FCHSD2: variants seen among roughly 807,000 people sequenced by gnomAD.
The protein encoded by FCHSD2 is FCH and double SH3 domains 2, also known as F-BAR and double SH3 domains protein 2.
FCHSD2 carries 38 observed loss-of-function variants against 108.1 expected under a neutral mutation model. That is an observed-to-expected ratio of 0.35 (90% CI 0.27 to 0.46). FCHSD2 has a LOEUF of 0.46. FCHSD2 is among the 20% of genes least tolerant of loss of function. The probability of loss-of-function intolerance (pLI) is 1.00; values close to 1 mark genes in which losing one functional copy is unlikely to be tolerated. For synonymous variants in FCHSD2, 279 were observed against 314.7 expected (o/e 0.89, Z 1.20); for missense variants, 751 against 897.8 (o/e 0.84, Z 2.09).
At chr11:72,994,332 C>T (rs759518533) in intron 5 of FCHSD2, among the ~76,000 whole-genome samples, 2 of 151,740 alleles carry the variant, frequency 1.3e-5, no homozygotes, top group African/African-American at 2.4e-5. Flanking sequence ...TGCTATGTTT[C>T]GTACTTTACA....
chr11:72,959,630 T>A (rs1360499852), intron 8 of FCHSD2, among the ~76,000 whole-genome samples: 2 of 152,038 alleles, frequency 1.3e-5, no homozygotes, highest in African/African-American at 4.8e-5. Context: ...AAATAAAAAG[T>A]CTCCACACAA....
chr11:72,968,005 G>T (rs1288567941), intron 8 of FCHSD2, among the ~76,000 whole-genome samples: 1 of 151,436 alleles, frequency 6.6e-6, no homozygotes, highest in Non-Finnish European at 1.5e-5. Flanking sequence ...GCAGGAGAAC[G>T]GCGTGAACCT....
At chr11:72,984,244 G>A (rs748572936) in intron 7 of FCHSD2, 28 bp from the exon 8 acceptor site, 1 of 1,611,260 alleles carries the variant, frequency 6.2e-7, no homozygotes, top group Non-Finnish European at 8.5e-7. Flanking sequence ...AAAATAATCA[G>A]TGCAAACTGA....
chr11:73,140,069 G>A lies in FCHSD2; in HGVS notation c.81C>T (p.Ala27=). The change falls in exon 2 of 20, where the codon GCC becomes GCT. Residue 27 remains alanine, a synonymous_variant. Coordinates refer to ENST00000409418, the MANE Select transcript of FCHSD2 (RefSeq NM_014824.3). ...GCAAATCACATTCTGCTTGATGTTT[G>A]GCTTGAAGTTTTGTCATCTGCTCAA... ...IQVEQMTKLQ[A]KHQAECDLLE... 6.5e-7 allele frequency: 1 copy of A among 1,547,794 alleles called. No homozygotes were observed. The highest frequency in any genetic ancestry group is 8.7e-7 in the Non-Finnish European group (1 of 1,145,010).
chr11:72,841,553 G>C lies in FCHSD2; in HGVS notation c.1957C>G (p.Leu653Val), dbSNP rs777798669. The change falls in exon 18 of 20, where the codon CTG becomes GTG. Residue 653 changes from leucine (L) to valine (V), a missense_variant. Leu to Val is a conservative substitution (Grantham distance 32, BLOSUM62 1). Coordinates refer to ENST00000409418, the MANE Select transcript of FCHSD2 (RefSeq NM_014824.3). ...ISPSPKPHAS[L>V]PPLPLYDQPP... ...TGGTCGTACAACGGCAGTGGAGGCA[G>C]GGAGGCGTGTGGCTTGGGGGAAGGA... 2 of 1,610,716 alleles carry C rather than the reference G, an allele frequency of 1.2e-6. No homozygotes were observed. The highest frequency in any genetic ancestry group is 1.1e-5 in the South Asian group (1 of 90,320).
chr11:73,129,162 C>T (rs903375539), intron 2 of FCHSD2, among the ~76,000 whole-genome samples: 3 of 152,000 alleles, frequency 2.0e-5, no homozygotes, highest in Admixed American at 6.6e-5. Flanking sequence ...TGAGCCACCG[C>T]GCCTGGCCAG....
chr11:73,069,517 C>A (rs568102557), intron 3 of FCHSD2, among the ~76,000 whole-genome samples: 118 of 151,812 alleles, frequency 7.8e-4, no homozygotes, highest in African/African-American at 2.7e-3. Flanking sequence ...ACTAACAAAG[C>A]AATGGATAAG....
At chr11:72,935,367 CTT>C (rs1591413039) in intron 8 of FCHSD2, among the ~76,000 whole-genome samples, 1 of 152,146 alleles carries the variant, frequency 6.6e-6, no homozygotes, top group African/African-American at 2.4e-5. Flanking sequence ...GCTGAAATCT[CTT>C]GAGTTTCCTT....
rs115701249 is a variant in FCHSD2 at position 72,840,999 on chromosome 11, G to A, written c.2057-40C>T. On this transcript the variant is annotated intron_variant, in intron 18 of 19. Transcript: ENST00000409418. ...CAAAGAAGCTCATTTTACTTGAGTT[G>A]TTGAGCAATAATGCTGATGCAAGGC... is the stretch of plus-strand genomic sequence containing the variant. The A allele has an allele frequency of 1.5e-3, 2,240 of 1,484,456 alleles. 31 individuals are homozygous for A. The African/African-American group carries it at 0.026, about 18-fold the overall frequency. 92.0% of individuals were successfully genotyped at this position (1,484,456 alleles called of 1,614,324 possible). A position where few individuals can be genotyped will look rare whatever the true frequency, so the allele number is the denominator to read the frequency against.
Position 73,140,111 on chromosome 11 carries a change from T to G in FCHSD2, c.39A>C (p.Glu13Asp), listed in dbSNP as rs925130690. 1 of 1,542,372 alleles carries G rather than the reference T, an allele frequency of 6.5e-7. No homozygotes were observed. The highest frequency in any genetic ancestry group is 1.2e-5 in the South Asian group (1 of 82,090). ...PPPRKVKVTQ[E>D]LKNIQVEQMT... The stretch of plus-strand genomic sequence containing the variant: ...TCTGCTCAACTTGAATGTTTTTCAG[T>G]TCTTGTGTAACTTTCACCTAAAATA... The change falls in exon 2 of 20, where the codon GAA becomes GAC. Residue 13 changes from glutamate to aspartate, a missense_variant. Transcript: ENST00000409418.
At chr11:72,860,147 A>G (rs1321580569) in intron 13 of FCHSD2, among the ~76,000 whole-genome samples, 1 of 152,176 alleles carries the variant, frequency 6.6e-6, no homozygotes, top group Non-Finnish European at 1.5e-5. Flanking sequence ...GTCTGACAGG[A>G]CGCAGAGCTC....
At chr11:73,008,919 C>T (rs533889960) in intron 4 of FCHSD2, among the ~76,000 whole-genome samples, 1 of 151,662 alleles carries the variant, frequency 6.6e-6, no homozygotes, top group African/African-American at 2.4e-5. Flanking sequence ...ATTATTATTA[C>T]CAGTTCATAG....
At chr11:73,016,004 G>GAA in intron 3 of FCHSD2, 119 bp from the exon 4 acceptor site, 1 of 631,964 alleles carries the variant, frequency 1.6e-6, no homozygotes, top group Non-Finnish European at 2.7e-6. Context: ...ATTCAGAAGT[G>GAA]AAAAAAAACA....
chr11:73,039,025 T>C (rs1429647151), intron 3 of FCHSD2, among the ~76,000 whole-genome samples: 2 of 152,202 alleles, frequency 1.3e-5, no homozygotes, highest in Non-Finnish European at 2.9e-5. Context: ...CTTCCAAGTG[T>C]ATCTCCTTAC....
chr11:73,002,357 A>T (rs1055241932), intron 4 of FCHSD2, among the ~76,000 whole-genome samples: 1 of 152,164 alleles, frequency 6.6e-6, no homozygotes, highest in Non-Finnish European at 1.5e-5. Context: ...GAAAGATTCA[A>T]TGTGTTGCAC....
intron 3 of FCHSD2, among the ~76,000 whole-genome samples, chr11:73,083,179 T>C (rs1193959244): frequency 6.6e-6 from 1 of 152,160 alleles, no homozygotes; most frequent in Non-Finnish European, 1.5e-5. Flanking sequence ...ATATAGTAAA[T>C]AATGTCTCCT....
chr11:73,028,636 G>A (rs1197438932), intron 3 of FCHSD2, among the ~76,000 whole-genome samples: 1 of 152,184 alleles, frequency 6.6e-6, no homozygotes, highest in Admixed American at 6.5e-5. Flanking sequence ...AAGGACATGA[G>A]ATTTGGGTGG....
intron 13 of FCHSD2, among the ~76,000 whole-genome samples, chr11:72,854,104 T>C (rs774184901): frequency 5.9e-5 from 9 of 152,036 alleles, no homozygotes; most frequent in Non-Finnish European, 1.0e-4. Flanking sequence ...TGTGGAAAAA[T>C]TGGAACTTTT....
intron 2 of FCHSD2, among the ~76,000 whole-genome samples, chr11:73,132,658 A>G (rs934243746): frequency 2.0e-5 from 3 of 151,982 alleles, no homozygotes; most frequent in Non-Finnish European, 4.4e-5. Context: ...CCCCATCTCT[A>G]CAAAAAAATA....
Sources: allele counts gnomAD v4.1 joint callset (sites outside exome capture counted in the v4.1 genomes callset), GRCh38; gene constraint gnomAD v4.1.1; transcripts MANE v1.5; gene names NCBI Gene and HGNC (gene_info 2026-07-23, HGNC 2026-07-21).